BRIP1: variants seen among roughly 807,000 people sequenced by gnomAD.
The protein encoded by BRIP1 is Fanconi anemia group J protein.
In BRIP1, 88 loss-of-function variants were observed where a neutral mutation model predicts 119.7. That is an observed-to-expected ratio of 0.74 (90% CI 0.62 to 0.88). BRIP1 has a LOEUF of 0.88. BRIP1 is among the 40% of genes least tolerant of loss of function. BRIP1 has a pLI of 0.00. For synonymous variants in BRIP1, 443 were observed against 496.5 expected (o/e 0.89, Z 1.43); for missense variants, 1,259 against 1,455.4 (o/e 0.87, Z 2.20).
In BRIP1 at chr17:61,738,781, C is replaced by T. The variant is rs115874505; in HGVS notation, c.2379+4232G>A. ...TGAAGAATAACATAATAAATACCTG[C>T]ATTCTCATATTTTCTTGCAGCTTAT... On this transcript the variant is annotated intron_variant, in intron 16 of 19. Coordinates refer to ENST00000259008, the MANE Select transcript of BRIP1 (RefSeq NM_032043.3). This position sits in a 1 kb window ranked among gnomAD's most constrained non-coding sequence, Gnocchi z 4.2. Among the ~76,000 whole-genome samples, 719 of 152,256 alleles carry T rather than the reference C, an allele frequency of 4.7e-3. 6 individuals are homozygous for T. Among genetic ancestry groups the T allele is most frequent in the African/African-American group, 0.016 (681 of 41,546 alleles).
chr17:61,857,081 T>C lies in BRIP1; in HGVS notation c.356A>G (p.Asn119Ser), dbSNP rs889877039. The C allele has an allele frequency of 5.0e-6, 8 of 1,614,108 alleles. No homozygotes were observed. Among genetic ancestry groups the C allele is most frequent in the Non-Finnish European group, 5.9e-6 (7 of 1,179,982 alleles). The change falls in exon 4 of 20, where the codon AAT becomes AGT. Residue 119 changes from asparagine to serine, a missense_variant. By Grantham distance (46) the Asn-to-Ser change is conservative (BLOSUM62 1). Around this residue, in one of 3 missense-constraint regions of BRIP1, gnomAD observed 501 missense variants for 544.0 expected, o/e 0.92. Coordinates refer to ENST00000259008, the MANE Select transcript of BRIP1 (RefSeq NM_032043.3). The surrounding 1 kb of genome is among the most constrained non-coding windows in gnomAD (Gnocchi z 5.1). ...NYPSTPPSER[N>S]GTSSTCQDSP... ...ACCTTGACAAGTTGATGAAGTGCCA[T>C]TTCTTTCAGAAGGTGGTGTGCTTGG...
rs142571230 is a variant in BRIP1 at position 61,800,106 on chromosome 17, T to C, written c.1141-807A>G. Among the ~76,000 whole-genome samples the C allele has an allele frequency of 6.0e-4, 91 of 152,250 alleles. 1 individual carries two copies. Among genetic ancestry groups the C allele is most frequent in the African/African-American group, 1.9e-3 (81 of 41,560 alleles). Reference sequence around the variant, plus strand: ...GTGAGCTAGCTGCTTATGGTTATCTTTGTTCCATAAGCAAGAGTGAGAACT... The same window carrying C: ...GTGAGCTAGCTGCTTATGGTTATCTCTGTTCCATAAGCAAGAGTGAGAACT... On this transcript the variant is annotated intron_variant, in intron 8 of 19. Coordinates refer to ENST00000259008, the MANE Select transcript of BRIP1 (RefSeq NM_032043.3).
rs1320028734 is a variant in BRIP1 at position 61,805,916 on chromosome 17, A to G, written c.918+2551T>C. ...CAAAAAAAGATATATATCTAAAATA[A>G]TATTTCAGAATTGTCATTCCTGACT... On this transcript the variant is annotated intron_variant, in intron 7 of 19. Transcript: ENST00000259008. This position sits in a 1 kb window ranked among gnomAD's most constrained non-coding sequence, Gnocchi z 5.6. Among the ~76,000 whole-genome samples, 1 of 152,224 alleles carries G rather than the reference A, an allele frequency of 6.6e-6. No homozygotes were observed.
rs2077173886 is a variant in BRIP1, at chr17:61,754,473, T to C, written c.2098-9882A>G. ...ACCCTCCAGCCCCCACCCAAAAAAA[T>C]TCCAACCCCAGGATCCTCTTTTCCC... On this transcript the variant is annotated intron_variant, in intron 14 of 19. Coordinates refer to ENST00000259008, the MANE Select transcript of BRIP1 (RefSeq NM_032043.3). This position sits in a 1 kb window ranked among gnomAD's most constrained non-coding sequence, Gnocchi z 4.1. Among the ~76,000 whole-genome samples, 1 of 152,074 alleles carries C rather than the reference T, an allele frequency of 6.6e-6. No homozygotes were observed. The highest frequency in any genetic ancestry group is 2.4e-5 in the African/African-American group (1 of 41,422).
Position 61,720,866 on chromosome 17 carries a change from CAG to C in BRIP1, c.2380-4805_2380-4804del, listed in dbSNP as rs1377325974. On this transcript the variant is annotated intron_variant, in intron 16 of 19. Coordinates refer to ENST00000259008, the MANE Select transcript of BRIP1 (RefSeq NM_032043.3). This position sits in a 1 kb window ranked among gnomAD's most constrained non-coding sequence, Gnocchi z 4.3. ...TTAACTTTTTCTTTTTTTTTTGAGA[CAG>C]AGTCTCGCTCCATTGCCCAGGCTGG... Among the ~76,000 whole-genome samples, 2 of 151,734 alleles carry C rather than the reference CAG, an allele frequency of 1.3e-5. No homozygotes were observed. The highest frequency in any genetic ancestry group is 2.1e-4 in the South Asian group (1 of 4,814).
chr17:61,801,159 A>T, intron 8 of BRIP1, 94 bp downstream of exon 8: 1 of 966,706 alleles, frequency 1.0e-6, no homozygotes, highest in Non-Finnish European at 1.5e-6. Context: ...CATAAATTAA[A>T]GCAAAAAAAA....
Position 61,799,183 on chromosome 17 carries a change from C to T in BRIP1, c.1257G>A (p.Arg419=), listed in dbSNP as rs148429663. The stretch of plus-strand genomic sequence containing the variant: ...TGTTGACCATACTATCTAGTTCATC[C>T]CGAGCAAACCGAAGCTGAACTTCTG... ...SVTEVQLRFA[R]DELDSMVNNN... Residue 419 remains arginine (R), a synonymous_variant, in exon 9 of 20, where the codon CGG becomes CGA. Coordinates refer to ENST00000259008, the MANE Select transcript of BRIP1 (RefSeq NM_032043.3). This position sits in a 1 kb window ranked among gnomAD's most constrained non-coding sequence, Gnocchi z 5.1. 14 of 1,613,604 alleles carry T rather than the reference C, an allele frequency of 8.7e-6. No individual in the cohort carries two copies. The East Asian group carries it at 2.9e-4, about 33-fold the overall frequency.
intron 14 of BRIP1, among the ~76,000 whole-genome samples, chr17:61,771,570 G>A (rs892798560): frequency 6.6e-6 from 1 of 152,094 alleles, no homozygotes; most frequent in Non-Finnish European, 1.5e-5. Flanking sequence ...AACAAGTATT[G>A]GCAAAAATGT....
rs796720924 is a variant in BRIP1, at chr17:61,745,369, CTTGA to C, written c.2098-782_2098-779del. On this transcript the variant is annotated intron_variant, in intron 14 of 19. Coordinates refer to ENST00000259008, the MANE Select transcript of BRIP1 (RefSeq NM_032043.3). This position sits in a 1 kb window ranked among gnomAD's most constrained non-coding sequence, Gnocchi z 4.4. The stretch of plus-strand genomic sequence containing the variant: ...AGTCAAGCCCAAAACAAAAACTCAT[CTTGA>C]TTGATTGATTGATTTTAGAGACAGG... Among the ~76,000 whole-genome samples the C allele has an allele frequency of 7.2e-5, 11 of 152,202 alleles. No homozygotes were observed. The highest frequency in any genetic ancestry group is 3.9e-4 in the Admixed American group (6 of 15,276).
In BRIP1 at chr17:61,755,488, G is replaced by A. The variant is rs1239810587; in HGVS notation, c.2098-10897C>T. Among the ~76,000 whole-genome samples the A allele has an allele frequency of 2.0e-5, 3 of 152,162 alleles. No homozygotes were observed. The highest frequency in any genetic ancestry group is 4.4e-5 in the Non-Finnish European group (3 of 68,026). On this transcript the variant is annotated intron_variant, in intron 14 of 19. Transcript: ENST00000259008. This position sits in a 1 kb window ranked among gnomAD's most constrained non-coding sequence, Gnocchi z 4.5. ...GTGGGAGGACTGCTTGAGCCCTGGAGGTTGAGGCTGCACTGAGCTGTGATC... is the reference window on the plus strand; with the variant it reads ...GTGGGAGGACTGCTTGAGCCCTGGAAGTTGAGGCTGCACTGAGCTGTGATC...
chr17:61,781,035 GC>G, intron 11 of BRIP1, 30 bp from the exon 12 acceptor site: 1 of 1,610,454 alleles, frequency 6.2e-7, no homozygotes, highest in Non-Finnish European at 8.5e-7. Context: ...TAATTAAGTG[GC>G]AAAACTTTTA....
intron 16 of BRIP1, among the ~76,000 whole-genome samples, chr17:61,727,112 G>T (rs941113856): frequency 2.0e-5 from 3 of 152,198 alleles, no homozygotes; most frequent in Non-Finnish European, 4.4e-5. Flanking sequence ...AGGTGACAGA[G>T]ACCTACTTCT....
intron 11 of BRIP1, among the ~76,000 whole-genome samples, chr17:61,783,209 C>T (rs2077650364): frequency 6.6e-6 from 1 of 152,138 alleles, no homozygotes; most frequent in Admixed American, 6.5e-5. Flanking sequence ...GAGTATTATT[C>T]AGCCATAGAA....
chr17:61,727,982 T>C (rs1001245942), intron 16 of BRIP1, among the ~76,000 whole-genome samples: 13 of 151,646 alleles, frequency 8.6e-5, no homozygotes, highest in Non-Finnish European at 1.5e-4. Flanking sequence ...GTGTGTGCTA[T>C]GACGCCCGGC....
rs1300863152 is a variant in BRIP1 at position 61,759,974 on chromosome 17, A to C, written c.2098-15383T>G. ...TATTCCTGTACAGAATATCCCATTC[A>C]AGAGCAACAGAATACACATTCTTCT... On this transcript the variant is annotated intron_variant, in intron 14 of 19. Transcript: ENST00000259008. This position sits in a 1 kb window ranked among gnomAD's most constrained non-coding sequence, Gnocchi z 4.9. Among the ~76,000 whole-genome samples, 3 of 152,028 alleles carry C rather than the reference A, an allele frequency of 2.0e-5. No homozygotes were observed. Among genetic ancestry groups the C allele is most frequent in the Non-Finnish European group, 2.9e-5 (2 of 67,922 alleles).
chr17:61,814,042 G>A lies in BRIP1; in HGVS notation c.628-5285C>T, dbSNP rs879516777. On this transcript the variant is annotated intron_variant, in intron 6 of 19. Transcript: ENST00000259008. The surrounding 1 kb of genome is among the most constrained non-coding windows in gnomAD (Gnocchi z 4.9). ...TATGTTATAACAAGATCCATATTAT[G>A]TCCCCCAAGGGAAAAATAAAAAACA... 6.6e-6 allele frequency among the ~76,000 whole-genome samples: 1 copy of A among 151,978 alleles called. No homozygotes were observed. The highest frequency in any genetic ancestry group is 1.5e-5 in the Non-Finnish European group (1 of 67,898).
rs932592152 is a variant in BRIP1, at chr17:61,848,312, G to T, written c.507+817C>A. On this transcript the variant is annotated intron_variant, in intron 5 of 19. Transcript: ENST00000259008. This position sits in a 1 kb window ranked among gnomAD's most constrained non-coding sequence, Gnocchi z 4.3. The stretch of plus-strand genomic sequence containing the variant: ...CCTATCTCAGCCTCCCAAGTAGCTG[G>T]AAAGTAGTCTGTAGGGCTACATGTC... 3.3e-5 allele frequency among the ~76,000 whole-genome samples: 5 copies of T among 152,040 alleles called. No individual in the cohort carries two copies. Among genetic ancestry groups the T allele is most frequent in the Non-Finnish European group, 7.4e-5 (5 of 68,000 alleles).
At position 61,686,819 on chromosome 17, in the gene BRIP1, G is replaced by C. The variant is rs1391490160; in HGVS notation, c.2576-654C>G. On this transcript the variant is annotated intron_variant, in intron 18 of 19. Coordinates refer to ENST00000259008, the MANE Select transcript of BRIP1 (RefSeq NM_032043.3). This position sits in a 1 kb window ranked among gnomAD's most constrained non-coding sequence, Gnocchi z 5.4. ...AAAATGAAACCTAAGAGTTTAAGGT[G>C]TTTTCTAGTATGGTGTGCTTCCAAA... Among the ~76,000 whole-genome samples, 2 of 152,064 alleles carry C rather than the reference G, an allele frequency of 1.3e-5. No homozygotes were observed. The highest frequency in any genetic ancestry group is 2.9e-5 in the Non-Finnish European group (2 of 67,994).
rs1263855347 is a variant in BRIP1, at chr17:61,805,592, T to C, written c.918+2875A>G. 6.6e-6 allele frequency among the ~76,000 whole-genome samples: 1 copy of C among 152,158 alleles called. No homozygotes were observed. Among genetic ancestry groups the C allele is most frequent in the Admixed American group, 6.5e-5 (1 of 15,270 alleles). ...GAGAAAACTCCAGGGCCCATTTTTC[T>C]CATGTGACTAAGCATCAAAAGAATA... On this transcript the variant is annotated intron_variant, in intron 7 of 19. Transcript: ENST00000259008. This position sits in a 1 kb window ranked among gnomAD's most constrained non-coding sequence, Gnocchi z 5.6.
Sources: allele counts gnomAD v4.1 joint callset (sites outside exome capture counted in the v4.1 genomes callset), GRCh38; gene constraint gnomAD v4.1.1; regional missense constraint gnomAD v4.1.1; non-coding constraint Gnocchi (gnomAD v3.1); transcripts MANE v1.5; gene names NCBI Gene and HGNC (gene_info 2026-07-23, HGNC 2026-07-21).